The following NEK11 variants were observed in gnomAD, a reference collection of about 807,000 sequenced individuals.
NEK11 encodes the protein NIMA related kinase 11.
Under a neutral mutation model 80.7 loss-of-function variants are expected in NEK11, and 72 were observed. The ratio of observed to expected loss-of-function variants is 0.89; its 90% CI spans 0.74 to 1.08. NEK11 has a LOEUF of 1.08. Ranked by LOEUF, NEK11 falls within the 50% of genes least tolerant of loss-of-function variation. The pLI is 0.00. For synonymous variants in NEK11, 251 were observed against 260.7 expected (o/e 0.96, Z 0.36); for missense variants, 764 against 763.6 (o/e 1.00, Z -0.01).
intron 5 of NEK11, among the ~76,000 whole-genome samples, chr3:131,118,215 G>C (rs552843424): frequency 6.6e-6 from 1 of 152,268 alleles, no homozygotes; most frequent in South Asian, 2.1e-4. Context: ...GGCCTTTTCT[G>C]CATCTATTGA....
Position 131,036,328 on chromosome 3 carries a change from C to T in NEK11, c.170+6450C>T, listed in dbSNP as rs79117808. ...TGAGTCTGGTACAGTGATTCTTAACCTTGGCCAAACAGTGGAATCACAATA... is the reference window on the plus strand; with the variant it reads ...TGAGTCTGGTACAGTGATTCTTAACTTTGGCCAAACAGTGGAATCACAATA... On this transcript the variant is annotated intron_variant, in intron 3 of 17. Transcript: ENST00000383366. Among the ~76,000 whole-genome samples, 749 of 152,304 alleles carry T rather than the reference C, an allele frequency of 4.9e-3. 11 individuals are homozygous for T. Among genetic ancestry groups the T allele is most frequent in the African/African-American group, 0.017 (714 of 41,548 alleles).
At chr3:131,054,144 G>T (rs1228770773) in intron 3 of NEK11, among the ~76,000 whole-genome samples, 1 of 152,002 alleles carries the variant, frequency 6.6e-6, no homozygotes, top group African/African-American at 2.4e-5. Context: ...TGAATCCAGG[G>T]GTTTGAGACC....
chr3:131,101,655 C>T (rs145259521), intron 4 of NEK11, among the ~76,000 whole-genome samples: 5 of 152,186 alleles, frequency 3.3e-5, no homozygotes, highest in Middle Eastern at 3.4e-3. Flanking sequence ...AGCATGAGTT[C>T]GATCTTAGAA....
chr3:131,306,740 G>A (rs904842976), intron 17 of NEK11, among the ~76,000 whole-genome samples: 1 of 152,162 alleles, frequency 6.6e-6, no homozygotes, highest in Non-Finnish European at 1.5e-5. Context: ...ATGGAGAGCT[G>A]TTTCTCCCAT....
intron 13 of NEK11, among the ~76,000 whole-genome samples, chr3:131,169,595 G>A (rs2092539033): frequency 6.6e-6 from 1 of 152,092 alleles, no homozygotes; most frequent in Admixed American, 6.5e-5. Flanking sequence ...CATAAGACAG[G>A]CCAGGTCTGT....
At chr3:131,203,074 A>G (rs1364198769) in intron 14 of NEK11, among the ~76,000 whole-genome samples, 1 of 152,218 alleles carries the variant, frequency 6.6e-6, no homozygotes, top group Non-Finnish European at 1.5e-5. Context: ...TGATCCCATT[A>G]TTGGGTATAT....
intron 7 of NEK11, among the ~76,000 whole-genome samples, chr3:131,137,366 T>G (rs1398082721): frequency 6.6e-6 from 1 of 152,102 alleles, no homozygotes; most frequent in Non-Finnish European, 1.5e-5. Flanking sequence ...CCTATTTTTT[T>G]GAGAAATACA....
intron 14 of NEK11, among the ~76,000 whole-genome samples, chr3:131,177,122 G>T (rs999464129): frequency 6.6e-6 from 1 of 152,144 alleles, no homozygotes; most frequent in Non-Finnish European, 1.5e-5. Context: ...TTCCATGCAT[G>T]CAGGTTTCAC....
At chr3:131,326,927 A>G (rs186930635) in intron 17 of NEK11, among the ~76,000 whole-genome samples, 1 of 152,294 alleles carries the variant, frequency 6.6e-6, no homozygotes, top group African/African-American at 2.4e-5. Context: ...ACCTTTACAA[A>G]AGAGGTCTCA....
At chr3:131,237,014 T>C (rs1294131565) in intron 15 of NEK11, among the ~76,000 whole-genome samples, 1 of 151,866 alleles carries the variant, frequency 6.6e-6, no homozygotes, top group Non-Finnish European at 1.5e-5. Flanking sequence ...TGTGGGAGAG[T>C]AGATGATAGT....
chr3:131,235,545 T>C (rs2095416356), intron 15 of NEK11, among the ~76,000 whole-genome samples: 1 of 152,106 alleles, frequency 6.6e-6, no homozygotes, highest in Admixed American at 6.5e-5. Flanking sequence ...TTGTGACACA[T>C]GGGGGCCATT....
intron 14 of NEK11, among the ~76,000 whole-genome samples, chr3:131,203,157 T>C (rs929455829): frequency 2.0e-5 from 3 of 152,144 alleles, no homozygotes; most frequent in African/African-American, 7.2e-5. Context: ...CTATTCACAA[T>C]AGCAAACACT....
intron 3 of NEK11, among the ~76,000 whole-genome samples, chr3:131,067,705 A>G (rs2072298733): frequency 1.3e-5 from 2 of 152,164 alleles, no homozygotes; most frequent in Non-Finnish European, 2.9e-5. Flanking sequence ...TATGTAAGTT[A>G]TGTCAAATTG....
intron 4 of NEK11, among the ~76,000 whole-genome samples, chr3:131,099,899 T>C (rs902755511): frequency 6.6e-6 from 1 of 152,202 alleles, no homozygotes; most frequent in Non-Finnish European, 1.5e-5. Context: ...AGGAATAGAA[T>C]CATACTGTCA....
chr3:131,115,907 TTTCTTTCTTTCTTTCTTTC>T (rs1380423991), intron 5 of NEK11, among the ~76,000 whole-genome samples: 8 of 27,996 alleles, frequency 2.9e-4, no homozygotes, highest in Non-Finnish European at 4.9e-4. Flanking sequence ...TAGTGTTTTC[TTTCTTTCTTTCTTTCTTTC>T]TTTCTTTCTT....
At chr3:131,312,397 T>C (rs893266563) in intron 17 of NEK11, among the ~76,000 whole-genome samples, 6 of 152,158 alleles carry the variant, frequency 3.9e-5, no homozygotes, top group African/African-American at 1.4e-4. Flanking sequence ...GGTGGGATAA[T>C]CATTGTAGAC....
At chr3:131,217,900 A>C (rs1467133314) in intron 14 of NEK11, among the ~76,000 whole-genome samples, 1 of 152,248 alleles carries the variant, frequency 6.6e-6, no homozygotes. Flanking sequence ...TGCAAGATGA[A>C]GCATTTTAAG....
chr3:131,154,202 T>C (rs1197630861), intron 9 of NEK11, among the ~76,000 whole-genome samples: 1 of 152,030 alleles, frequency 6.6e-6, no homozygotes, highest in Non-Finnish European at 1.5e-5. Flanking sequence ...CAGTAGAACC[T>C]GCAGGTGGTC....
chr3:131,134,489 C>A (rs1004981919), intron 7 of NEK11, among the ~76,000 whole-genome samples: 1 of 151,946 alleles, frequency 6.6e-6, no homozygotes, highest in Non-Finnish European at 1.5e-5. Context: ...CAACCTCCAC[C>A]TCTTGGGTTC....
Sources: allele counts gnomAD v4.1 joint callset (sites outside exome capture counted in the v4.1 genomes callset), GRCh38; gene constraint gnomAD v4.1.1; transcripts MANE v1.5; gene names NCBI Gene and HGNC (gene_info 2026-07-23, HGNC 2026-07-21).